CUL3: variants seen among roughly 807,000 people sequenced by gnomAD.
CUL3 encodes cullin-3.
In CUL3, 19 loss-of-function variants were observed where a neutral mutation model predicts 89.1. The ratio of observed to expected loss-of-function variants is 0.21; its 90% confidence interval spans 0.15 to 0.31. The LOEUF (loss-of-function observed/expected upper bound fraction) is 0.31. Among genes scored for constraint, CUL3 ranks in the 10% least tolerant of loss-of-function variants. The pLI, the probability that CUL3 is intolerant of heterozygous loss-of-function variation, is 1.00. For synonymous variants in CUL3, 351 were observed against 308.4 expected (o/e 1.14, Z -1.45); for missense variants, 469 against 942.3 (o/e 0.50, Z 6.58).
At chr2:224,523,692 A>G (rs982613459) in intron 3 of CUL3, among the ~76,000 whole-genome samples, 2 of 152,226 alleles carry the variant, frequency 1.3e-5, no homozygotes, top group Non-Finnish European at 2.9e-5. Flanking sequence ...TGAACAGATA[A>G]ACAAAATGTG....
At chr2:224,490,522 C>T (rs1190586494) in intron 13 of CUL3, among the ~76,000 whole-genome samples, 1 of 152,006 alleles carries the variant, frequency 6.6e-6, no homozygotes, top group Non-Finnish European at 1.5e-5. Context: ...CCCCCGGGCC[C>T]AGCTGTCTTT....
chr2:224,478,472 T>A, intron 14 of CUL3, 127 bp from the exon 15 acceptor site: 2 of 721,638 alleles, frequency 2.8e-6, no homozygotes, highest in Non-Finnish European at 4.3e-6. Flanking sequence ...ACACACTTAT[T>A]AATTCAAGTA....
At chr2:224,563,004 C>T (rs1559229280) in intron 1 of CUL3, 2 of 224,402 alleles carry the variant, frequency 8.9e-6, no homozygotes, top group South Asian at 1.1e-4. Context: ...GTAGATTTAA[C>T]ACAGCCCAGA....
intron 3 of CUL3, 110 bp from the exon 4 acceptor site, chr2:224,514,882 G>T (rs1271151524): frequency 2.7e-6 from 2 of 741,202 alleles, no homozygotes; most frequent in Admixed American, 5.8e-5. Flanking sequence ...TCATTTTTCA[G>T]GTGAGAAACA....
At position 224,531,534 on chromosome 2, in the gene CUL3, A is replaced by G. The variant is rs549323764; in HGVS notation, c.378+3994T>C. Among the ~76,000 whole-genome samples, 44 of 146,066 alleles carry G rather than the reference A, an allele frequency of 3.0e-4. 1 individual carries two copies. Among genetic ancestry groups the G allele is most frequent in the Admixed American group, 4.1e-4 (6 of 14,488 alleles). On this transcript the variant is annotated intron_variant, in intron 3 of 15. Coordinates refer to ENST00000264414, the MANE Select transcript of CUL3 (RefSeq NM_003590.5). The stretch of plus-strand genomic sequence containing the variant: ...AGCTGTGGTAGGTATTAAAGACATA[A>G]TAGTACACAAACACTGTTTCCATCC...
At chr2:224,487,510 G>A (rs570500991) in intron 13 of CUL3, among the ~76,000 whole-genome samples, 1 of 141,718 alleles carries the variant, frequency 7.1e-6, no homozygotes, top group Non-Finnish European at 1.5e-5. Flanking sequence ...GACAAAGAAG[G>A]GCATTACATA....
In CUL3 at chr2:224,473,553, A is replaced by C. The variant is rs1299143977; in HGVS notation, c.*692T>G. Reference sequence around the variant, plus strand: ...AAAATACTTTCTTTCTCTAGAAATAACTCAGAACAAAACCTAATCATTATA... The same window carrying C: ...AAAATACTTTCTTTCTCTAGAAATACCTCAGAACAAAACCTAATCATTATA... On this transcript the variant is annotated 3_prime_UTR_variant, in exon 16 of 16. Coordinates refer to ENST00000264414, the MANE Select transcript of CUL3 (RefSeq NM_003590.5). 1 of 183,988 alleles carries C rather than the reference A, an allele frequency of 5.4e-6. No homozygotes were observed. The highest frequency in any genetic ancestry group is 1.2e-5 in the Non-Finnish European group (1 of 86,440). 11.4% of individuals were successfully genotyped at this position (183,988 alleles called of 1,614,324 possible). A position where few individuals can be genotyped will look rare whatever the true frequency, so the allele number is the denominator to read the frequency against.
intron 1 of CUL3, among the ~76,000 whole-genome samples, chr2:224,561,141 T>C (rs961457999): frequency 6.6e-6 from 1 of 152,178 alleles, no homozygotes; most frequent in African/African-American, 2.4e-5. Flanking sequence ...GGTCTCCCTC[T>C]CTACAACCAA....
chr2:224,482,526 T>C (rs1314246505), intron 13 of CUL3, among the ~76,000 whole-genome samples: 2 of 151,988 alleles, frequency 1.3e-5, no homozygotes, highest in East Asian at 3.9e-4. Flanking sequence ...TCAGGCCTTC[T>C]ACCATACAAT....
chr2:224,559,399 T>A (rs1694833514), intron 1 of CUL3, among the ~76,000 whole-genome samples: 1 of 136,510 alleles, frequency 7.3e-6, no homozygotes, highest in Admixed American at 8.1e-5. Context: ...TTTGCAGGGA[T>A]CCAAGATCAC....
At chr2:224,530,066 G>A (rs1443089159) in intron 3 of CUL3, among the ~76,000 whole-genome samples, 2 of 151,824 alleles carry the variant, frequency 1.3e-5, no homozygotes, top group African/African-American at 4.8e-5. Flanking sequence ...GTGAAACCCC[G>A]TCTCCAGTAA....
chr2:224,539,312 C>A (rs115021763), intron 2 of CUL3, among the ~76,000 whole-genome samples: 1 of 152,106 alleles, frequency 6.6e-6, no homozygotes, highest in African/African-American at 2.4e-5. Flanking sequence ...CAAATGCTAG[C>A]AAGGACGCAG....
At chr2:224,516,277 T>A (rs1423573361) in intron 3 of CUL3, among the ~76,000 whole-genome samples, 1 of 151,882 alleles carries the variant, frequency 6.6e-6, no homozygotes, top group Non-Finnish European at 1.5e-5. Context: ...AGATCTTAAA[T>A]TCCAAGTTTC....
At chr2:224,571,366 G>C (rs1195578391) in intron 1 of CUL3, among the ~76,000 whole-genome samples, 1 of 151,752 alleles carries the variant, frequency 6.6e-6, no homozygotes, top group Non-Finnish European at 1.5e-5. Context: ...ATTTATACAT[G>C]GGTCACATGT....
intron 1 of CUL3, among the ~76,000 whole-genome samples, chr2:224,580,873 T>C (rs1559247918): frequency 9.6e-6 from 1 of 103,942 alleles, no homozygotes; most frequent in Non-Finnish European, 1.9e-5. Context: ...CTGAGATGAG[T>C]GCTTGAGATT....
intron 3 of CUL3, 54 bp from the exon 4 acceptor site, chr2:224,514,826 TTG>T: frequency 7.9e-7 from 1 of 1,261,208 alleles, no homozygotes; most frequent in Non-Finnish European, 1.1e-6. Context: ...ATAATAATTA[TTG>T]TGTGCTACAA....
chr2:224,478,336 T>C lies in CUL3; in HGVS notation c.2039A>G (p.Lys680Arg). The change falls in exon 15 of 16, where the codon AAA becomes AGA. Residue 680 changes from lysine (K) to arginine (R), a missense_variant. Lys to Arg is a conservative substitution (Grantham distance 26). Coordinates refer to ENST00000264414, the MANE Select transcript of CUL3 (RefSeq NM_003590.5). ...CCTCTCTGGGTCGGATTCACCTTGT[T>C]TGGCAGCAACTAAAATAGAAATAAA... ...HRVKIQTVAA[K>R]QGESDPERKE... 1.2e-6 allele frequency: 2 copies of C among 1,608,496 alleles called. No homozygotes were observed. The highest frequency in any genetic ancestry group is 1.1e-5 in the South Asian group (1 of 89,746).
In CUL3 at chr2:224,526,816, C is replaced by CT. The variant is rs1268333088; in HGVS notation, c.378+8711_378+8712insA. On this transcript the variant is annotated intron_variant, in intron 3 of 15. Transcript: ENST00000264414. ...TGGGCGACAGAGCAAGACTAAGTCT[C>CT]CAAAAAAAAAAAAAAAAGTTTACTG... 2.8e-4 allele frequency among the ~76,000 whole-genome samples: 40 copies of CT among 142,140 alleles called. 1 individual carries two copies. The highest frequency in any genetic ancestry group is 4.2e-4 in the Admixed American group (6 of 14,288). 93.2% of individuals were successfully genotyped at this position (142,140 alleles called of 152,430 possible).
In CUL3 at chr2:224,474,310, G is replaced by C. The variant is rs2106133333; in HGVS notation, c.2242C>G (p.Leu748Val). The C allele has an allele frequency of 6.2e-7, 1 of 1,613,888 alleles. No homozygotes were observed. ...PVVIKKRIEG[L>V]IEREYLARTP... ...CGTGCCAAATATTCTCTCTCAATAA[G>C]TCCTTCAATACGTTTCTTAATAACA... Residue 748 changes from leucine (L) to valine (V), a missense_variant, in exon 16 of 16, where the codon CTT (leucine) becomes GTT (valine). By Grantham distance (32) the Leu-to-Val change is conservative (BLOSUM62 1). Around this residue, in one of 4 missense-constraint regions of CUL3, gnomAD observed 65 missense variants for 147.8 expected, o/e 0.44. Transcript: ENST00000264414.
Sources: gnomAD v4.1 joint callset for allele counts (sites outside exome capture counted in the v4.1 genomes callset) on GRCh38, gnomAD v4.1.1 for gene constraint, gnomAD v4.1.1 regional missense constraint, MANE v1.5 for transcripts, NCBI Gene and HGNC (gene_info 2026-07-23, HGNC 2026-07-21) for gene names.